The following MAP3K21 variants were observed in gnomAD, a reference collection of about 807,000 sequenced individuals.
MAP3K21 encodes the protein mitogen-activated protein kinase kinase kinase 21, also known as mitogen-activated protein kinase kinase kinase MLK4.
MAP3K21 carries 63 observed loss-of-function variants against 86.1 expected under a neutral mutation model. The observed-to-expected ratio is 0.73, with a 90% CI of 0.60 to 0.90. The LOEUF is 0.90. MAP3K21 is among the 40% of genes least tolerant of loss of function. The probability of loss-of-function intolerance (pLI) is 0.00; values close to 1 mark genes in which losing one functional copy is unlikely to be tolerated. For missense variants in MAP3K21, 1,220 were observed against 1,367.7 expected (o/e 0.89, Z 1.70); for synonymous variants, 558 against 564.8 (o/e 0.99, Z 0.17).
At chr1:233,335,887 C>G (rs917970911) in intron 1 of MAP3K21, among the ~76,000 whole-genome samples, 1 of 152,170 alleles carries the variant, frequency 6.6e-6, no homozygotes, top group Non-Finnish European at 1.5e-5. Context: ...TTTATTTGCA[C>G]TTGTAGAGTT....
In MAP3K21 at chr1:233,328,582, A is replaced by G; in HGVS notation, c.554A>G (p.Glu185Gly). The G allele has an allele frequency of 9.8e-6, 15 of 1,524,306 alleles. No individual in the cohort carries two copies. Among genetic ancestry groups the G allele is most frequent in the Non-Finnish European group, 1.1e-5 (13 of 1,146,330 alleles). 94.4% of individuals were successfully genotyped at this position (1,524,306 alleles called of 1,614,324 possible). A position where few individuals can be genotyped will look rare whatever the true frequency, so the allele number is the denominator to read the frequency against. ...FAMLRHPNII[E>G]LRGVCLQQPH... is the part of the protein sequence containing the mutation. Reference sequence around the variant, plus strand: ...ATGCTGCGGCACCCCAACATCATCGAGCTGCGCGGCGTGTGCCTGCAGCAG... The same window carrying G: ...ATGCTGCGGCACCCCAACATCATCGGGCTGCGCGGCGTGTGCCTGCAGCAG... Residue 185 changes from glutamate (E) to glycine (G), a missense_variant, in exon 1 of 10, where the codon GAG (glutamate) becomes GGG (glycine). Coordinates refer to ENST00000366624, the MANE Select transcript of MAP3K21 (RefSeq NM_032435.3). The surrounding 1 kb of genome is among the most constrained non-coding windows in gnomAD (Gnocchi z 8.7).
intron 1 of MAP3K21, among the ~76,000 whole-genome samples, chr1:233,345,669 CATGTATACCT>C (rs1312345401): frequency 6.6e-6 from 1 of 151,900 alleles, no homozygotes; most frequent in Non-Finnish European, 1.5e-5. Flanking sequence ...CAACATGGCA[CATGTATACCT>C]ATGTATCAAA....
intron 5 of MAP3K21, among the ~76,000 whole-genome samples, chr1:233,370,797 T>C (rs1045128448): frequency 2.6e-5 from 4 of 152,214 alleles, no homozygotes; most frequent in African/African-American, 9.6e-5. Flanking sequence ...GCAGACCTGG[T>C]TGATGTCTAA....
intron 1 of MAP3K21, among the ~76,000 whole-genome samples, chr1:233,329,343 G>C (rs1442754467): frequency 2.0e-5 from 3 of 152,158 alleles, no homozygotes; most frequent in African/African-American, 7.2e-5. Context: ...CTTTTCCAAA[G>C]ACTGTTTTCA....
At chr1:233,339,266 T>C (rs1662977129) in intron 1 of MAP3K21, among the ~76,000 whole-genome samples, 1 of 25,180 alleles carries the variant, frequency 4.0e-5, no homozygotes, top group East Asian at 2.5e-3. Flanking sequence ...TTCTTCTTCT[T>C]CCTCTTCTTC....
intron 1 of MAP3K21, among the ~76,000 whole-genome samples, chr1:233,343,411 G>C (rs1663074887): frequency 6.6e-6 from 1 of 152,132 alleles, no homozygotes; most frequent in Non-Finnish European, 1.5e-5. Flanking sequence ...TAATTCACAA[G>C]ACAAGCAAGG....
intron 3 of MAP3K21, 127 bp from the exon 4 acceptor site, chr1:233,354,709 C>T (rs1459683657): frequency 4.0e-6 from 3 of 756,134 alleles, no homozygotes; most frequent in Non-Finnish European, 6.8e-6. Context: ...GGAGCAGATA[C>T]TATAAATGGA....
In MAP3K21 at chr1:233,379,475, C is replaced by T. The variant is rs773012919; in HGVS notation, c.2469C>T (p.Asp823=). The T allele has an allele frequency of 4.3e-6, 7 of 1,614,186 alleles. No homozygotes were observed. The highest frequency in any genetic ancestry group is 1.7e-5 in the Admixed American group (1 of 60,032). ...TGGACAGTGAAGATCCACTGGTGGA[C>T]AGTGCACCTGTCACTTGTGACTCTG... is the stretch of plus-strand genomic sequence containing the variant. ...LQMDSEDPLV[D]SAPVTCDSEM... The change falls in exon 9 of 10, where the codon GAC becomes GAT. Residue 823 remains aspartate, a synonymous_variant. Transcript: ENST00000366624.
chr1:233,363,357 T>C (rs2102759321), intron 5 of MAP3K21, among the ~76,000 whole-genome samples: 1 of 152,340 alleles, frequency 6.6e-6, no homozygotes, highest in East Asian at 1.9e-4. Context: ...TGCAGAATCC[T>C]GTGACTAATT....
chr1:233,353,760 A>G (rs752945634), intron 2 of MAP3K21, 47 bp from the exon 3 acceptor site: 3 of 1,465,436 alleles, frequency 2.0e-6, no homozygotes, highest in Non-Finnish European at 1.8e-6. Context: ...GTCATAAGGA[A>G]AAGACACTGT....
intron 1 of MAP3K21, among the ~76,000 whole-genome samples, chr1:233,336,030 T>A (rs1009869909): frequency 1.3e-5 from 2 of 152,302 alleles, no homozygotes; most frequent in South Asian, 2.1e-4. Context: ...AAATGATTAG[T>A]TCTGTTGATC....
At chr1:233,369,148 T>A (rs1219823990) in intron 5 of MAP3K21, among the ~76,000 whole-genome samples, 1 of 146,822 alleles carries the variant, frequency 6.8e-6, no homozygotes, top group Non-Finnish European at 1.5e-5. Flanking sequence ...TCTAAGGTGA[T>A]CATAGAAGGC....
rs540738511 is a variant in MAP3K21, at chr1:233,375,931, G to A, written c.1691G>A (p.Ser564Asn). The A allele has an allele frequency of 2.5e-5, 41 of 1,611,406 alleles. No individual in the cohort carries two copies. In the South Asian group the frequency reaches 4.0e-4, roughly 16 times the overall value. ...TTCTTTTTAGTGACTTCAGATGAAA[G>A]CAATAAAACTTGGGGAAGGAACACA... ...LRAIQLTSDE[S>N]NKTWGRNTVF... The change falls in exon 7 of 10, where the codon AGC (serine) becomes AAC (asparagine). Residue 564 changes from serine (S) to asparagine (N), a missense_variant. Coordinates refer to ENST00000366624, the MANE Select transcript of MAP3K21 (RefSeq NM_032435.3).
At position 233,328,188 on chromosome 1, in the gene MAP3K21, G is replaced by A. The variant is rs1193477670; in HGVS notation, c.160G>A (p.Glu54Lys). ...AALYDYEARG[E>K]DELSLRRGQL... is the part of the protein sequence containing the mutation. ...GCTCTATGACTACGAGGCTCGCGGC[G>A]AGGACGAGCTGAGCCTGCGGCGCGG... The change falls in exon 1 of 10, where the codon GAG (glutamate) becomes AAG (lysine). Residue 54 changes from glutamate (E) to lysine (K), a missense_variant. This residue lies in a region of MAP3K21 where 369 missense variants were observed against 385.3 expected (regional missense o/e 0.96). Coordinates refer to ENST00000366624, the MANE Select transcript of MAP3K21 (RefSeq NM_032435.3). The surrounding 1 kb of genome is among the most constrained non-coding windows in gnomAD (Gnocchi z 8.7). The A allele has an allele frequency of 8.8e-6, 13 of 1,481,626 alleles. No homozygotes were observed. The South Asian group carries it at 8.9e-5, about 10-fold the overall frequency. 91.8% of individuals were successfully genotyped at this position (1,481,626 alleles called of 1,614,324 possible).
rs1663946308 is a variant in MAP3K21 at position 233,382,914 on chromosome 1, A to C, written c.*203A>C. 7.7e-6 allele frequency: 4 copies of C among 517,486 alleles called. No homozygotes were observed. The South Asian group carries it at 9.7e-5, about 13-fold the overall frequency. 32.1% of individuals were successfully genotyped at this position (517,486 alleles called of 1,614,324 possible). ...TGTTTTTCCTCTGGATTCTTTTCTT[A>C]TAACTTGGAATACACAAAAGTGTAA... On this transcript the variant is annotated 3_prime_UTR_variant, in exon 10 of 10. Transcript: ENST00000366624.
chr1:233,361,094 G>T (rs1477203136), intron 4 of MAP3K21, among the ~76,000 whole-genome samples: 1 of 152,176 alleles, frequency 6.6e-6, no homozygotes, highest in Non-Finnish European at 1.5e-5. Context: ...GCACTGCAAA[G>T]AATATTTATG....
chr1:233,339,404 CCT>C, intron 1 of MAP3K21, among the ~76,000 whole-genome samples: 1 of 60,026 alleles, frequency 1.7e-5, no homozygotes, highest in East Asian at 8.8e-4. Flanking sequence ...TCCTTCTCCT[CCT>C]CCTCCTCCTC....
chr1:233,338,052 T>C (rs1662950210), intron 1 of MAP3K21, among the ~76,000 whole-genome samples: 1 of 152,242 alleles, frequency 6.6e-6, no homozygotes. Context: ...GTATGCTTTA[T>C]TATGTACCTT....
chr1:233,347,782 A>G (rs1413254417), intron 2 of MAP3K21, among the ~76,000 whole-genome samples: 1 of 152,188 alleles, frequency 6.6e-6, no homozygotes, highest in Non-Finnish European at 1.5e-5. Context: ...CTTGGATACT[A>G]TGCTCAGTAC....
Sources: allele counts gnomAD v4.1 joint callset (sites outside exome capture counted in the v4.1 genomes callset), GRCh38; gene constraint gnomAD v4.1.1; regional missense constraint gnomAD v4.1.1; non-coding constraint Gnocchi (gnomAD v3.1); transcripts MANE v1.5; gene names NCBI Gene and HGNC (gene_info 2026-07-23, HGNC 2026-07-21).